The following SLC38A12 variants were observed in gnomAD, a reference collection of about 807,000 sequenced individuals.
SLC38A12 encodes the protein putative sodium-coupled neutral amino acid transporter 12.
At chr17:74,836,571 A>C in the SLC38A12 span, 1 of 1,613,300 alleles carries the variant, frequency 6.2e-7, no homozygotes, top group Non-Finnish European at 8.5e-7. This position sits in a 1 kb window ranked among gnomAD's most constrained non-coding sequence, Gnocchi z 4.2. Context: ...TGGGGTCAGC[A>C]ACAAGCACAG....
chr17:74,825,597 A>G, the SLC38A12 span, among the ~76,000 whole-genome samples: 1 of 152,222 alleles, frequency 6.6e-6, no homozygotes, highest in Non-Finnish European at 1.5e-5. Flanking sequence ...CCTCTCCTCT[A>G]GCAGCCTTTG....
the SLC38A12 span, chr17:74,790,167 T>TCCC: frequency 6.4e-7 from 1 of 1,563,584 alleles, no homozygotes; most frequent in Non-Finnish European, 8.8e-7. Flanking sequence ...CTTGTTTTCC[T>TCCC]CCCTCCTCCT....
the SLC38A12 span, among the ~76,000 whole-genome samples, chr17:74,812,634 T>C: frequency 6.6e-6 from 1 of 151,876 alleles, no homozygotes; most frequent in Non-Finnish European, 1.5e-5. Context: ...GGAGCTCGGC[T>C]GTGCGATTTG....
chr17:74,810,515 C>T, the SLC38A12 span, among the ~76,000 whole-genome samples: 4 of 152,152 alleles, frequency 2.6e-5, no homozygotes, highest in African/African-American at 9.7e-5. Context: ...AGCCAGCCTC[C>T]GCCTGTCCTC....
At chr17:74,812,741 G>T in the SLC38A12 span, among the ~76,000 whole-genome samples, 1 of 152,150 alleles carries the variant, frequency 6.6e-6, no homozygotes, top group Non-Finnish European at 1.5e-5. Flanking sequence ...GTGCGTTTAA[G>T]GTAGCCCTAT....
chr17:74,792,145 CAA>C, the SLC38A12 span, among the ~76,000 whole-genome samples: 13 of 104,146 alleles, frequency 1.2e-4, no homozygotes, highest in Non-Finnish European at 1.4e-4. Flanking sequence ...GACTCCGTCT[CAA>C]AAAAAAAAAA....
chr17:74,779,390 A>T, the SLC38A12 span, among the ~76,000 whole-genome samples: 1 of 152,110 alleles, frequency 6.6e-6, no homozygotes, highest in East Asian at 1.9e-4. Context: ...GGCCATAAAC[A>T]AGTGCTTGTG....
chr17:74,811,077 C>T, the SLC38A12 span, among the ~76,000 whole-genome samples: 1 of 152,228 alleles, frequency 6.6e-6, no homozygotes, highest in Non-Finnish European at 1.5e-5. Flanking sequence ...CGCCTGGAAT[C>T]CTAGCACTTT....
chr17:74,795,610 T>C, the SLC38A12 span: 2 of 1,613,724 alleles, frequency 1.2e-6, no homozygotes, highest in Admixed American at 1.7e-5. Context: ...CTGCGCCGAG[T>C]GGACGCCTAC....
chr17:74,805,261 G>A, the SLC38A12 span, among the ~76,000 whole-genome samples: 1 of 152,226 alleles, frequency 6.6e-6, no homozygotes, highest in Non-Finnish European at 1.5e-5. The surrounding 1 kb of genome is among the most constrained non-coding windows in gnomAD (Gnocchi z 5.0). Context: ...GCAGGGAAAG[G>A]AGAGGGGCTG....
the SLC38A12 span, among the ~76,000 whole-genome samples, chr17:74,814,494 A>G: frequency 6.6e-6 from 1 of 152,230 alleles, no homozygotes; most frequent in Admixed American, 6.5e-5. Flanking sequence ...ACTCAGAGCC[A>G]TGCTGTTTTG....
At chr17:74,824,918 G>T in the SLC38A12 span, among the ~76,000 whole-genome samples, 4 of 152,170 alleles carry the variant, frequency 2.6e-5, no homozygotes, top group African/African-American at 7.2e-5. Context: ...CCAAGAGGAA[G>T]CCATCACCTG....
chr17:74,818,548 C>T, the SLC38A12 span, among the ~76,000 whole-genome samples: 2 of 152,162 alleles, frequency 1.3e-5, no homozygotes, highest in African/African-American at 4.8e-5. Flanking sequence ...AGGCTCAGCT[C>T]CTCCTTCTGC....
the SLC38A12 span, among the ~76,000 whole-genome samples, chr17:74,834,363 G>A: frequency 9.9e-5 from 15 of 152,194 alleles, no homozygotes; most frequent in African/African-American, 3.1e-4. Context: ...TGGAGCGGGC[G>A]GTGAGAGGCA....
the SLC38A12 span, among the ~76,000 whole-genome samples, chr17:74,798,871 G>A: frequency 6.6e-6 from 1 of 151,822 alleles, no homozygotes; most frequent in Non-Finnish European, 1.5e-5. Flanking sequence ...AGTTTCTCCG[G>A]CTTTGGTAGG....
chr17:74,790,062 T>C, the SLC38A12 span: 1 of 647,254 alleles, frequency 1.5e-6, no homozygotes. Context: ...CAGGTGATCC[T>C]CCCATCTCAG....
the SLC38A12 span, among the ~76,000 whole-genome samples, chr17:74,821,782 C>A: frequency 3.9e-5 from 6 of 152,220 alleles, no homozygotes; most frequent in Admixed American, 2.0e-4. Context: ...CTCCCTGCAG[C>A]CACATCTGTA....
At chr17:74,806,791 CT>C in the SLC38A12 span, among the ~76,000 whole-genome samples, 8 of 152,154 alleles carry the variant, frequency 5.3e-5, no homozygotes, top group African/African-American at 1.9e-4. Context: ...CCCCCTACCC[CT>C]GTCTATACTC....
the SLC38A12 span, among the ~76,000 whole-genome samples, chr17:74,794,610 C>T: frequency 9.3e-4 from 142 of 151,970 alleles, no homozygotes; most frequent in Non-Finnish European, 1.6e-3. Flanking sequence ...TCTTAGAGCC[C>T]GGTGTTGGCT....
Sources: allele counts gnomAD v4.1 joint callset (sites outside exome capture counted in the v4.1 genomes callset), GRCh38; gene constraint gnomAD v4.1.1; non-coding constraint Gnocchi (gnomAD v3.1); transcripts MANE v1.5; gene names NCBI Gene and HGNC (gene_info 2026-07-23, HGNC 2026-07-21).